Variants in CDK18 observed in about 807,000 individuals in gnomAD.
CDK18 encodes cyclin-dependent kinase 18.
A neutral mutation model predicts 62.0 loss-of-function variants in CDK18; 52 were observed. That is an observed-to-expected ratio of 0.84 (90% CI 0.67 to 1.06). CDK18 has a LOEUF of 1.06. CDK18 is among the 50% of genes least tolerant of loss of function. The pLI, the probability that CDK18 is intolerant of heterozygous loss-of-function variation, is 0.00. For synonymous variants in CDK18, 237 were observed against 247.0 expected (o/e 0.96, Z 0.38); for missense variants, 604 against 619.9 (o/e 0.97, Z 0.27).
At chr1:205,530,079 C>T (rs116088219) in intron 13 of CDK18, 180 bp from the exon 14 acceptor site, 39,683 of 1,432,864 alleles carry the variant, frequency 0.028, 690 homozygotes, top group Admixed American at 0.072. Context: ...GGAGCCTTCC[C>T]CTGAGTCTTG....
intron 13 of CDK18, 91 bp from the exon 14 acceptor site, chr1:205,530,168 C>A: frequency 6.3e-7 from 1 of 1,578,602 alleles, no homozygotes; most frequent in Non-Finnish European, 8.6e-7. Flanking sequence ...GCCTCACCCA[C>A]CTTGGTGCTC....
rs1394994535 is a variant in CDK18, at chr1:205,517,106, T to A, written c.-21-6041T>A. 6.6e-6 allele frequency: 1 copy of A among 152,420 alleles called. No individual in the cohort carries two copies. The highest frequency in any genetic ancestry group is 1.5e-5 in the Non-Finnish European group (1 of 68,228). 9.4% of individuals were successfully genotyped at this position (152,420 alleles called of 1,614,324 possible). On this transcript the variant is annotated intron_variant, in intron 1 of 15. Coordinates refer to ENST00000429964, the MANE Select transcript of CDK18 (RefSeq NM_212502.3). The surrounding 1 kb of genome is among the most constrained non-coding windows in gnomAD (Gnocchi z 4.1). ...CTGGGAATCTGCCCTGTCTGGACAC[T>A]GGGGCCCTGGGGCTGGCCTGGCCTG...
Position 205,530,761 on chromosome 1 carries a change from C to T in CDK18, c.1390+56C>T, listed in dbSNP as rs370783349. On this transcript the variant is annotated intron_variant, in intron 15 of 15. Coordinates refer to ENST00000429964, the MANE Select transcript of CDK18 (RefSeq NM_212502.3). ...CCTTGTTAGTGGAAGCCAGAGCAGG[C>T]GACCCCTCCCCAGTGGGGACTCCCA... The T allele has an allele frequency of 3.6e-4, 517 of 1,446,042 alleles. No individual in the cohort carries two copies. The African/African-American group carries it at 6.2e-3, about 17-fold the overall frequency. The allele number at this position is 1,446,042 out of a possible 1,614,324, so 89.6% of individuals were successfully genotyped here.
intron 1 of CDK18, among the ~76,000 whole-genome samples, chr1:205,519,492 C>A (rs1413667865): frequency 6.6e-6 from 1 of 150,960 alleles, no homozygotes; most frequent in Non-Finnish European, 1.5e-5. Context: ...CTACATCTGA[C>A]CTCCATCCTT....
In CDK18 at chr1:205,528,028, A is replaced by G; in HGVS notation, c.854-20A>G. The G allele has an allele frequency of 6.2e-7, 1 of 1,614,086 alleles. No individual in the cohort carries two copies. The highest frequency in any genetic ancestry group is 1.1e-5 in the South Asian group (1 of 91,084). On this transcript the variant is annotated intron_variant, in intron 9 of 15. Transcript: ENST00000429964. This position sits in a 1 kb window ranked among gnomAD's most constrained non-coding sequence, Gnocchi z 4.2. ...CCACAGCACCTGTGGACAGAGGTCC[A>G]GTGACATGTCTGCCCCCAGGACTGG...
rs2102288825 is a variant in CDK18, at chr1:205,517,486, C to T, written c.-21-5661C>T. Among the ~76,000 whole-genome samples, 1 of 152,234 alleles carries T rather than the reference C, an allele frequency of 6.6e-6. No individual in the cohort carries two copies. Among genetic ancestry groups the T allele is most frequent in the African/African-American group, 2.4e-5 (1 of 41,538 alleles). On this transcript the variant is annotated intron_variant, in intron 1 of 15. Coordinates refer to ENST00000429964, the MANE Select transcript of CDK18 (RefSeq NM_212502.3). This position sits in a 1 kb window ranked among gnomAD's most constrained non-coding sequence, Gnocchi z 4.1. ...CAGTGGTGTGTTGTGTTGGCTCACC[C>T]AGCATGTTTGCTCAGATACCACTGT...
At chr1:205,526,345 A>C (rs560720968) in intron 6 of CDK18, 22 bp from the exon 7 acceptor site, 3 of 1,599,484 alleles carry the variant, frequency 1.9e-6, no homozygotes, top group African/African-American at 1.3e-5. Flanking sequence ...CTAGGGACCC[A>C]GGTGGATCTG....
intron 15 of CDK18, 87 bp downstream of exon 15, chr1:205,530,792 C>T (rs1311956551): frequency 2.8e-6 from 3 of 1,077,540 alleles, no homozygotes; most frequent in South Asian, 2.6e-5. Context: ...TCCCATGGTC[C>T]CCCCACCACT....
chr1:205,508,987 A>G (rs1667440215), intron 1 of CDK18, among the ~76,000 whole-genome samples: 1 of 151,412 alleles, frequency 6.6e-6, no homozygotes, highest in Non-Finnish European at 1.5e-5. Flanking sequence ...TGTTTCTCCT[A>G]AAAATACAAA....
At chr1:205,524,468 C>T (rs1209801847) in intron 4 of CDK18, 111 bp downstream of exon 4, 1 of 1,266,780 alleles carries the variant, frequency 7.9e-7, no homozygotes, top group Admixed American at 2.0e-5. Context: ...GATTCCTGGG[C>T]CTCTGGTGCC....
chr1:205,519,958 T>C (rs1668033394), intron 1 of CDK18, among the ~76,000 whole-genome samples: 1 of 152,116 alleles, frequency 6.6e-6, no homozygotes, highest in African/African-American at 2.4e-5. Flanking sequence ...GGAAGCCCTG[T>C]TTTTAGAAAG....
Position 205,529,023 on chromosome 1 carries a change from G to A in CDK18, c.999G>A (p.Glu333=). ...DMWGVGCIHY[E]MATGRPLFPG... ...GGGGCGTGGGCTGCATCCACTACGA[G>A]ATGGCCACAGGGAGGCCCCTCTTCC... Residue 333 remains glutamate (E), a synonymous_variant, in exon 11 of 16, where the codon GAG becomes GAA. Coordinates refer to ENST00000429964, the MANE Select transcript of CDK18 (RefSeq NM_212502.3). The A allele has an allele frequency of 6.3e-7, 1 of 1,594,940 alleles. No individual in the cohort carries two copies. Among genetic ancestry groups the A allele is most frequent in the Non-Finnish European group, 8.5e-7 (1 of 1,171,352 alleles).
chr1:205,514,378 G>A (rs969636539), intron 1 of CDK18, among the ~76,000 whole-genome samples: 8 of 152,070 alleles, frequency 5.3e-5, no homozygotes, highest in Non-Finnish European at 1.0e-4. Flanking sequence ...AGCATGCCCC[G>A]GGGAGTCTGG....
Position 205,527,085 on chromosome 1 carries a change from A to T in CDK18, c.729+248A>T. The T allele has an allele frequency of 2.0e-6, 1 of 511,580 alleles. No individual in the cohort carries two copies. The highest frequency in any genetic ancestry group is 3.5e-6 in the Non-Finnish European group (1 of 286,952). The allele number at this position is 511,580 out of a possible 1,614,324, so 31.7% of individuals were successfully genotyped here. On this transcript the variant is annotated intron_variant, in intron 8 of 15. Transcript: ENST00000429964. The surrounding 1 kb of genome is among the most constrained non-coding windows in gnomAD (Gnocchi z 4.1). ...ATAAAACCCACTCTCAACTCTGAACATCAGTTTCCCAGTCTGTCAAATGGG... is the reference window on the plus strand; with the variant it reads ...ATAAAACCCACTCTCAACTCTGAACTTCAGTTTCCCAGTCTGTCAAATGGG...
chr1:205,529,930 G>A (rs1668653363), intron 13 of CDK18: 1 of 1,386,108 alleles, frequency 7.2e-7, no homozygotes, highest in African/African-American at 1.5e-5. Context: ...ACACGATGAA[G>A]GGTTGTTATC....
At position 205,531,689 on chromosome 1, in the gene CDK18, G is replaced by A. The variant is rs545852823; in HGVS notation, c.*311G>A. 76 of 398,336 alleles carry A rather than the reference G, an allele frequency of 1.9e-4. 2 individuals are homozygous for A. Among genetic ancestry groups the A allele is most frequent in the South Asian group, 1.2e-3 (51 of 42,042 alleles). The allele number at this position is 398,336 out of a possible 1,614,324, so 24.7% of individuals were successfully genotyped here. A position where few individuals can be genotyped will look rare whatever the true frequency, so the allele number is the denominator to read the frequency against. ...CCCACCCTGGTGTTTGGGCACCTGC[G>A]TGGGATGCACACGGATGACAGAATC... On this transcript the variant is annotated 3_prime_UTR_variant, in exon 16 of 16. Coordinates refer to ENST00000429964, the MANE Select transcript of CDK18 (RefSeq NM_212502.3).
chr1:205,507,363 G>A (rs1453430858), intron 1 of CDK18, among the ~76,000 whole-genome samples: 2 of 152,038 alleles, frequency 1.3e-5, no homozygotes, highest in African/African-American at 4.8e-5. Context: ...TGGGTGCGGT[G>A]GCTCACGCCT....
Position 205,528,175 on chromosome 1 carries a change from G to A in CDK18, c.974+7G>A. ...CCACCCCCATTGATATGTGGTGAGT[G>A]AGCACTGTGGGGACCGAGGAGGGGA... is the stretch of plus-strand genomic sequence containing the variant. On this transcript the variant is annotated splice_region_variant and intron_variant, in intron 10 of 15. Coordinates refer to ENST00000429964, the MANE Select transcript of CDK18 (RefSeq NM_212502.3). This position sits in a 1 kb window ranked among gnomAD's most constrained non-coding sequence, Gnocchi z 4.2. 1 of 1,613,232 alleles carries A rather than the reference G, an allele frequency of 6.2e-7. No individual in the cohort carries two copies. Among genetic ancestry groups the A allele is most frequent in the Non-Finnish European group, 8.5e-7 (1 of 1,179,940 alleles).
In CDK18 at chr1:205,527,743, C is replaced by A; in HGVS notation, c.730-51C>A. 2 of 1,596,896 alleles carry A rather than the reference C, an allele frequency of 1.3e-6. No individual in the cohort carries two copies. The highest frequency in any genetic ancestry group is 1.1e-5 in the South Asian group (1 of 88,446). On this transcript the variant is annotated intron_variant, in intron 8 of 15. Transcript: ENST00000429964. The surrounding 1 kb of genome is among the most constrained non-coding windows in gnomAD (Gnocchi z 4.1). ...CCCCATCCTGGTCCCAGCCTTGGAG[C>A]AGAGGCTCAGGGCCACCTTCCACCC...
Sources: allele counts gnomAD v4.1 joint callset (sites outside exome capture counted in the v4.1 genomes callset), GRCh38; gene constraint gnomAD v4.1.1; non-coding constraint Gnocchi (gnomAD v3.1); transcripts MANE v1.5; gene names NCBI Gene and HGNC (gene_info 2026-07-23, HGNC 2026-07-21).